Variants in ARSF observed in about 807,000 individuals in gnomAD.
ARSF encodes arylsulfatase F.
A neutral mutation model predicts 35.4 loss-of-function variants in ARSF; 33 were observed. The ratio of observed to expected loss-of-function variants is 0.93; its 90% CI spans 0.71 to 1.25. The LOEUF (loss-of-function observed/expected upper bound fraction) is 1.25, where lower values mean the gene tolerates loss of function less well. ARSF is among the 50% of genes most tolerant of loss of function. The pLI, the probability that ARSF is intolerant of heterozygous loss-of-function variation, is 0.00. For missense variants in ARSF, 501 were observed against 480.2 expected (o/e 1.04, Z -0.40); for synonymous variants, 222 against 193.1 (o/e 1.15, Z -1.24).
In ARSF at chrX:3,104,012, G is replaced by C. The variant is rs1603465112; in HGVS notation, c.1265+88G>C. On this transcript the variant is annotated intron_variant, in intron 9 of 10. Coordinates refer to ENST00000381127, the MANE Select transcript of ARSF (RefSeq NM_001201539.2). ...AGAACAAGGAGACTGACTCTATCCT[G>C]GCAGACCCACTTTTTCCCTAGTATC... 7.2e-6 allele frequency: 7 copies of C among 974,380 alleles called. No homozygotes were observed. In the East Asian group the frequency reaches 2.2e-4, roughly 31 times the overall value. 80.3% of individuals were successfully genotyped at this position (974,380 alleles called of 1,213,427 possible).
At chrX:3,076,504 C>A (rs777059319) in intron 3 of ARSF, 44 bp from the exon 4 acceptor site, 3 of 1,157,727 alleles carry the variant, frequency 2.6e-6, no homozygotes, top group East Asian at 6.5e-5. Flanking sequence ...CCCCGCCCCC[C>A]ACCTTTTCCT....
intron 7 of ARSF, among the ~76,000 whole-genome samples, chrX:3,099,080 CATGT>C (rs1156292166): frequency 9.0e-6 from 1 of 111,144 alleles, no homozygotes; most frequent in Non-Finnish European, 1.9e-5. Context: ...TCCACCTCCA[CATGT>C]TTCTTATGCT....
rs994238216 is a variant in ARSF at position 3,078,445 on chromosome X, G to A, written c.283+1776G>A. ...CATCTTCCCTCTTTGGCCTCCAAAA[G>A]TTCTGGGATTACAGGCATGAGCAAC... On this transcript the variant is annotated intron_variant, in intron 4 of 10. Coordinates refer to ENST00000381127, the MANE Select transcript of ARSF (RefSeq NM_001201539.2). Among the ~76,000 whole-genome samples, 8 of 111,469 alleles carry A rather than the reference G, an allele frequency of 7.2e-5. No individual in the cohort carries two copies. In the East Asian group the frequency reaches 8.5e-4, roughly 12 times the overall value.
In ARSF at chrX:3,089,598, T is replaced by C; in HGVS notation, c.933T>C (p.Tyr311=). The C allele has an allele frequency of 8.3e-7, 1 of 1,210,798 alleles. No individual in the cohort carries two copies. Among genetic ancestry groups the C allele is most frequent in the East Asian group, 3.0e-5 (1 of 33,789 alleles). The part of the protein sequence containing the change: ...DFTGTSKHGL[Y]GDNVEEMDSM... ...CTGGCACCAGCAAGCATGGCTTGTATGGGGATAATGTGGAAGAGATGGACT... is the reference window on the plus strand; with the variant it reads ...CTGGCACCAGCAAGCATGGCTTGTACGGGGATAATGTGGAAGAGATGGACT... Residue 311 remains tyrosine (Y), a synonymous_variant, in exon 7 of 11, where the codon TAT becomes TAC. Coordinates refer to ENST00000381127, the MANE Select transcript of ARSF (RefSeq NM_001201539.2).
intron 4 of ARSF, among the ~76,000 whole-genome samples, chrX:3,079,433 C>T (rs992046903): frequency 1.8e-4 from 19 of 106,179 alleles, no homozygotes; most frequent in Non-Finnish European, 3.1e-4. Context: ...GCAACCTCTG[C>T]CCCTGGGTTC....
At chrX:3,081,262 T>C (rs1216347542) in intron 5 of ARSF, among the ~76,000 whole-genome samples, 3 of 111,687 alleles carry the variant, frequency 2.7e-5, no homozygotes, top group African/African-American at 6.5e-5. Flanking sequence ...TAGCTAGGCA[T>C]TGTGGCATGT....
intron 7 of ARSF, among the ~76,000 whole-genome samples, chrX:3,092,216 C>T (rs866149463): frequency 5.5e-5 from 6 of 109,116 alleles, no homozygotes; most frequent in Admixed American, 9.8e-5. Flanking sequence ...TACATAGATA[C>T]ATAGATAGAT....
intron 1 of ARSF, among the ~76,000 whole-genome samples, chrX:3,057,832 A>T (rs377546916): frequency 3.8e-4 from 42 of 111,874 alleles, no homozygotes; most frequent in African/African-American, 1.3e-3. Context: ...AAAAAAATAC[A>T]TAGAAAAGCT....
At chrX:3,093,019 A>AAAATTAGCTGGG (rs1569144561) in intron 7 of ARSF, among the ~76,000 whole-genome samples, 1 of 110,658 alleles carries the variant, frequency 9.0e-6, no homozygotes, top group African/African-American at 3.3e-5. Flanking sequence ...AAATATACAA[A>AAAATTAGCTGGG]CACATCCGTG....
intron 10 of ARSF, 134 bp downstream of exon 10, chrX:3,110,386 A>G: frequency 2.7e-6 from 2 of 744,244 alleles, no homozygotes; most frequent in South Asian, 6.0e-5. Context: ...GGTTTTGGAG[A>G]AGTTTCTCAG....
At chrX:3,088,462 C>T (rs746441817) in intron 6 of ARSF, among the ~76,000 whole-genome samples, 1 of 111,593 alleles carries the variant, frequency 9.0e-6, no homozygotes, top group African/African-American at 3.2e-5. Context: ...GCCTGCTGCA[C>T]AGTAACATAC....
At chrX:3,051,510 T>C (rs1318965784) in intron 1 of ARSF, among the ~76,000 whole-genome samples, 1 of 112,324 alleles carries the variant, frequency 8.9e-6, no homozygotes, top group Non-Finnish European at 1.9e-5. Context: ...AAATGGTTCA[T>C]GTAGGACCTG....
intron 2 of ARSF, 142 bp from the exon 3 acceptor site, chrX:3,071,884 G>GGA: frequency 1.7e-6 from 1 of 586,467 alleles, no homozygotes; most frequent in South Asian, 2.8e-5. Context: ...CTCGGTGCTT[G>GGA]GAGAGAGACA....
intron 8 of ARSF, among the ~76,000 whole-genome samples, 178 bp from the exon 9 acceptor site, chrX:3,103,584 G>A (rs989140397): frequency 9.9e-5 from 11 of 111,617 alleles, no homozygotes; most frequent in African/African-American, 3.3e-4. Flanking sequence ...AAACCTACCA[G>A]CAGCACAGGA....
chrX:3,082,630 TTATC>T (rs1269417378), intron 5 of ARSF, among the ~76,000 whole-genome samples: 3 of 111,590 alleles, frequency 2.7e-5, no homozygotes, highest in East Asian at 2.8e-4. Context: ...CCCTGTCTAT[TTATC>T]TATCTGTCTA....
At chrX:3,083,502 C>T in intron 5 of ARSF, among the ~76,000 whole-genome samples, 1 of 56,142 alleles carries the variant, frequency 1.8e-5, no homozygotes, top group Non-Finnish European at 3.2e-5. Context: ...ATCTATCTAT[C>T]TATCTATCTA....
At chrX:3,106,907 G>A (rs939331515) in intron 9 of ARSF, among the ~76,000 whole-genome samples, 1 of 111,826 alleles carries the variant, frequency 8.9e-6, no homozygotes, top group African/African-American at 3.2e-5. Flanking sequence ...TGGGGGGTTG[G>A]TCTCAAGACC....
At chrX:3,075,159 C>T (rs144652205) in intron 3 of ARSF, among the ~76,000 whole-genome samples, 160 of 111,518 alleles carry the variant, frequency 1.4e-3, no homozygotes, top group Non-Finnish European at 2.0e-3. Flanking sequence ...CAATTAGCCT[C>T]GATGAATCAG....
intron 1 of ARSF, among the ~76,000 whole-genome samples, chrX:3,059,899 T>A (rs756113858): frequency 1.4e-4 from 16 of 112,593 alleles, no homozygotes; most frequent in Admixed American, 4.7e-4. Context: ...TTCTGCAGAC[T>A]TAAACGTCCC....
Sources: gnomAD v4.1 joint callset for allele counts (sites outside exome capture counted in the v4.1 genomes callset) on GRCh38, gnomAD v4.1.1 for gene constraint, MANE v1.5 for transcripts, NCBI Gene and HGNC (gene_info 2026-07-23, HGNC 2026-07-21) for gene names.